Variants in SMAD6 observed in about 807,000 individuals in gnomAD.
The protein encoded by SMAD6 is MAD homolog 6.
In SMAD6, 103 loss-of-function variants were observed where a neutral mutation model predicts 39.4. The ratio of observed to expected loss-of-function variants is 2.62; its 90% CI spans 2.23 to 3.08. The LOEUF (loss-of-function observed/expected upper bound fraction) is 3.08. SMAD6 is among the 30% of genes most tolerant of loss of function. The pLI is 0.00. For synonymous variants in SMAD6, 445 were observed against 353.3 expected, an observed-to-expected ratio of 1.26 and a Z score of -2.91; for missense variants, 1,104 against 742.9, an observed-to-expected ratio of 1.49 and a Z score of -5.65.
At chr15:66,743,159 G>A (rs1031940716) in intron 3 of SMAD6, among the ~76,000 whole-genome samples, 2 of 152,106 alleles carry the variant, frequency 1.3e-5, no homozygotes, top group African/African-American at 4.8e-5. Flanking sequence ...AGACCCCTCC[G>A]GTACCTTTTT....
chr15:66,751,783 A>C (rs1480856992), intron 3 of SMAD6, among the ~76,000 whole-genome samples: 1 of 152,240 alleles, frequency 6.6e-6, no homozygotes, highest in African/African-American at 2.4e-5. Context: ...CCAGGCACAG[A>C]GCAGGATGTC....
Position 66,773,215 on chromosome 15 carries a change from G to T in SMAD6, c.953-7782G>T, listed in dbSNP as rs1894408284. 2.0e-5 allele frequency among the ~76,000 whole-genome samples: 3 copies of T among 151,528 alleles called. No individual in the cohort carries two copies. In the South Asian group the frequency reaches 6.3e-4, roughly 32 times the overall value. On this transcript the variant is annotated intron_variant, in intron 3 of 3. Coordinates refer to ENST00000288840, the MANE Select transcript of SMAD6 (RefSeq NM_005585.5). The stretch of plus-strand genomic sequence containing the variant: ...AAAGGTGCTGGAGCTGAGGTGGGGG[G>T]TGGGGAGGGGTGGGTGGGAGCGAGT...
chr15:66,718,651 G>C (rs893404644), intron 3 of SMAD6, among the ~76,000 whole-genome samples: 1 of 152,162 alleles, frequency 6.6e-6, no homozygotes, highest in South Asian at 2.1e-4. Flanking sequence ...TGCGTGGAAT[G>C]TTCCCCGCTG....
intron 3 of SMAD6, among the ~76,000 whole-genome samples, chr15:66,775,030 T>G (rs1015524938): frequency 2.0e-5 from 3 of 151,898 alleles, no homozygotes; most frequent in African/African-American, 7.3e-5. Flanking sequence ...CGGGTGATTT[T>G]TTTGTATTTT....
At chr15:66,708,798 G>A (rs747049504) in intron 1 of SMAD6, 33 of 459,856 alleles carry the variant, frequency 7.2e-5, no homozygotes, top group Non-Finnish European at 3.2e-5. Context: ...TGCCAATGGG[G>A]ATGGTGTTTC....
Position 66,781,221 on chromosome 15 carries a change from C to T in SMAD6, c.1177C>T (p.Leu393Phe). 1 of 1,608,804 alleles carries T rather than the reference C, an allele frequency of 6.2e-7. No homozygotes were observed. The highest frequency in any genetic ancestry group is 8.5e-7 in the Non-Finnish European group (1 of 1,179,714). ...CAGCAAGATCGGCTTCGGCATCCTG[C>T]TCAGCAAGGAGCCCGACGGCGTGTG... ...TRSKIGFGILLSKEPDGVWAY... is the reference protein window; with the variant it reads ...TRSKIGFGILFSKEPDGVWAY... The change falls in exon 4 of 4, where the codon CTC becomes TTC. Residue 393 changes from leucine (L) to phenylalanine (F), a missense_variant. Coordinates refer to ENST00000288840, the MANE Select transcript of SMAD6 (RefSeq NM_005585.5).
intron 3 of SMAD6, among the ~76,000 whole-genome samples, chr15:66,728,016 G>T (rs932960413): frequency 6.6e-6 from 1 of 152,104 alleles, no homozygotes; most frequent in African/African-American, 2.4e-5. Context: ...ACCACGCCCA[G>T]CTAATTTTGT....
At chr15:66,770,972 G>A (rs577033254) in intron 3 of SMAD6, among the ~76,000 whole-genome samples, 1 of 152,336 alleles carries the variant, frequency 6.6e-6, no homozygotes, top group Admixed American at 6.5e-5. Flanking sequence ...GTGGCTCTTC[G>A]AAGCTATAGC....
intron 3 of SMAD6, among the ~76,000 whole-genome samples, chr15:66,770,392 C>A (rs1290458460): frequency 6.6e-6 from 1 of 152,140 alleles, no homozygotes; most frequent in African/African-American, 2.4e-5. Context: ...TATGTGATCC[C>A]AGCAGTTTGG....
At chr15:66,749,766 C>G (rs780904986) in intron 3 of SMAD6, among the ~76,000 whole-genome samples, 1 of 152,128 alleles carries the variant, frequency 6.6e-6, no homozygotes, top group Non-Finnish European at 1.5e-5. Context: ...CCTCCTGGGT[C>G]CAGGGACTCT....
At chr15:66,714,157 C>T (rs758601661) in intron 2 of SMAD6, among the ~76,000 whole-genome samples, 2 of 152,214 alleles carry the variant, frequency 1.3e-5, no homozygotes, top group Non-Finnish European at 1.5e-5. Context: ...CAAGGATCAT[C>T]GCCCTGAGGT....
chr15:66,714,872 G>A (rs1404045450), intron 2 of SMAD6, among the ~76,000 whole-genome samples: 1 of 152,202 alleles, frequency 6.6e-6, no homozygotes, highest in Non-Finnish European at 1.5e-5. Context: ...AATGCTGTCT[G>A]TGTTGGCTGT....
intron 3 of SMAD6, among the ~76,000 whole-genome samples, chr15:66,765,150 T>C (rs186887146): frequency 5.4e-4 from 83 of 152,336 alleles, no homozygotes; most frequent in African/African-American, 1.9e-3. Flanking sequence ...CCCAGTCACC[T>C]GGCACTTTCC....
At chr15:66,708,262 A>C (rs1253479627) in intron 1 of SMAD6, 1 of 154,272 alleles carries the variant, frequency 6.5e-6, no homozygotes, top group Non-Finnish European at 1.4e-5. Context: ...AATCAATAAA[A>C]CTTTTAAAAG....
intron 3 of SMAD6, among the ~76,000 whole-genome samples, chr15:66,756,999 C>T (rs1159527607): frequency 1.3e-5 from 2 of 152,184 alleles, no homozygotes; most frequent in East Asian, 3.9e-4. Context: ...GGAAAAAACC[C>T]TGACTGGGAG....
chr15:66,776,831 G>A (rs887386281), intron 3 of SMAD6, among the ~76,000 whole-genome samples: 7 of 152,214 alleles, frequency 4.6e-5, no homozygotes, highest in Non-Finnish European at 8.8e-5. Flanking sequence ...CAACACTTTG[G>A]GAAACCAAGA....
chr15:66,716,471 C>T lies in SMAD6; in HGVS notation c.925C>T (p.Leu309Phe), dbSNP rs895768354. Residue 309 changes from leucine to phenylalanine, a missense_variant, in exon 3 of 4, where the codon CTC (leucine) becomes TTC (phenylalanine). Transcript: ENST00000288840. ...SYTETEATNS[L>F]ITAPGEFSDA... Reference sequence around the variant, plus strand: ...CACTGAAACGGAGGCTACCAACTCCCTCATCACTGCTCCGGGTGAATTCTC... The same window carrying T: ...CACTGAAACGGAGGCTACCAACTCCTTCATCACTGCTCCGGGTGAATTCTC... 2 of 1,613,400 alleles carry T rather than the reference C, an allele frequency of 1.2e-6. No homozygotes were observed. Among genetic ancestry groups the T allele is most frequent in the African/African-American group, 1.3e-5 (1 of 74,908 alleles).
intron 3 of SMAD6, chr15:66,740,745 A>T (rs1408548712): frequency 6.6e-6 from 1 of 152,174 alleles, no homozygotes; most frequent in Non-Finnish European, 1.5e-5. Context: ...AGGAATGAGC[A>T]GCCCAGTGGG....
chr15:66,705,439 C>T (rs1893090631), intron 1 of SMAD6: 1 of 152,184 alleles, frequency 6.6e-6, no homozygotes, highest in South Asian at 2.1e-4. Flanking sequence ...TCATGCCAGG[C>T]TTTCTATGTA....
Sources: gnomAD v4.1 joint callset for allele counts (sites outside exome capture counted in the v4.1 genomes callset) on GRCh38, gnomAD v4.1.1 for gene constraint, MANE v1.5 for transcripts, NCBI Gene and HGNC (gene_info 2026-07-23, HGNC 2026-07-21) for gene names.